The following TDP1 variants were observed in gnomAD, a reference collection of about 807,000 sequenced individuals.
TDP1 encodes tyrosyl-DNA phosphodiesterase 1, also known as tyr-DNA phosphodiesterase 1.
A neutral mutation model predicts 81.5 loss-of-function variants in TDP1; 64 were observed. The observed-to-expected ratio is 0.79, with a 90% CI of 0.64 to 0.97. The LOEUF is 0.97. Among genes scored for constraint, TDP1 ranks in the 50% least tolerant of loss-of-function variants. TDP1 has a pLI of 0.00. For synonymous variants in TDP1, 256 were observed against 264.3 expected (o/e 0.97, Z 0.30); for missense variants, 723 against 743.8 (o/e 0.97, Z 0.33).
chr14:90,029,411 C>T (rs1458542016), intron 15 of TDP1, among the ~76,000 whole-genome samples: 19 of 151,586 alleles, frequency 1.3e-4, no homozygotes, highest in Non-Finnish European at 2.6e-4. Context: ...GTTGGCCAGG[C>T]TGGTCTCGAA....
intron 2 of TDP1, among the ~76,000 whole-genome samples, chr14:89,957,358 TTGAA>T (rs1458105283): frequency 6.6e-6 from 1 of 152,210 alleles, no homozygotes; most frequent in African/African-American, 2.4e-5. Context: ...CAGTAAGTTA[TTGAA>T]TGAATGAACT....
intron 16 of TDP1, among the ~76,000 whole-genome samples, chr14:90,036,541 C>G (rs1458058959): frequency 6.6e-6 from 1 of 152,120 alleles, no homozygotes; most frequent in African/African-American, 2.4e-5. Context: ...TATCTTGAAA[C>G]CAAGAAAATG....
intron 3 of TDP1, 106 bp from the exon 4 acceptor site, chr14:89,966,041 C>G: frequency 1.0e-6 from 1 of 1,000,586 alleles, no homozygotes; most frequent in South Asian, 1.3e-5. Context: ...TTACTGTGTT[C>G]TGAGTCAGAT....
At chr14:89,966,276 T>G in intron 4 of TDP1, 86 bp downstream of exon 4, 2 of 905,750 alleles carry the variant, frequency 2.2e-6, no homozygotes, top group East Asian at 4.8e-5. Context: ...AGAGGCATAG[T>G]TTGGGGATCT....
chr14:90,037,459 T>G (rs745773679), intron 16 of TDP1, among the ~76,000 whole-genome samples: 14 of 152,228 alleles, frequency 9.2e-5, no homozygotes, highest in Non-Finnish European at 1.6e-4. Flanking sequence ...GGAGGTTGTT[T>G]CATTTTTATT....
At chr14:90,039,650 G>A (rs1433789233) in intron 16 of TDP1, among the ~76,000 whole-genome samples, 9 of 150,502 alleles carry the variant, frequency 6.0e-5, no homozygotes, top group South Asian at 2.1e-4. Flanking sequence ...GATTTTGTAC[G>A]TCACTTGGAT....
chr14:89,966,278 T>C (rs1445362633), intron 4 of TDP1, 88 bp downstream of exon 4: 2 of 902,194 alleles, frequency 2.2e-6, no homozygotes, highest in African/African-American at 1.6e-5. Flanking sequence ...AGGCATAGTT[T>C]GGGGATCTCA....
At chr14:90,020,970 A>G (rs1886021077) in intron 15 of TDP1, among the ~76,000 whole-genome samples, 1 of 151,384 alleles carries the variant, frequency 6.6e-6, no homozygotes, top group Admixed American at 6.6e-5. Context: ...TAATTTTTGT[A>G]TTTTTAGTAG....
intron 14 of TDP1, among the ~76,000 whole-genome samples, chr14:90,001,291 CTT>C (rs1387460022): frequency 6.6e-6 from 1 of 152,114 alleles, no homozygotes; most frequent in African/African-American, 2.4e-5. Context: ...CATTTCCTCT[CTT>C]TCATTATGTG....
intron 7 of TDP1, 131 bp downstream of exon 7, chr14:89,975,946 G>T: frequency 1.3e-6 from 1 of 777,586 alleles, no homozygotes; most frequent in Non-Finnish European, 2.3e-6. Flanking sequence ...ACTGAGCCTG[G>T]GGGAGCTATT....
At position 89,966,127 on chromosome 14, in the gene TDP1, T is replaced by TA; in HGVS notation, c.560-19dup. ...AGGATTTTTGTGAGTGTGAATTTGA[T>TA]ATATGTTTTGTCTTCTCAGATATTT... On this transcript the variant is annotated intron_variant, in intron 3 of 16. Coordinates refer to ENST00000335725, the MANE Select transcript of TDP1 (RefSeq NM_018319.4). The TA allele has an allele frequency of 1.3e-6, 2 of 1,549,834 alleles. No individual in the cohort carries two copies. Among genetic ancestry groups the TA allele is most frequent in the Non-Finnish European group, 1.8e-6 (2 of 1,121,802 alleles).
intron 16 of TDP1, among the ~76,000 whole-genome samples, chr14:90,036,921 C>T (rs1465926564): frequency 6.6e-6 from 1 of 151,892 alleles, no homozygotes; most frequent in Non-Finnish European, 1.5e-5. Context: ...GTGATACTCC[C>T]ACCTCAGCCT....
intron 10 of TDP1, among the ~76,000 whole-genome samples, chr14:89,988,305 G>C (rs1340998818): frequency 6.6e-6 from 1 of 152,154 alleles, no homozygotes; most frequent in Non-Finnish European, 1.5e-5. Context: ...TTGCTGATCA[G>C]CTCAACCTTT....
At chr14:89,976,272 AT>A (rs1894304513) in intron 7 of TDP1, among the ~76,000 whole-genome samples, 1 of 151,758 alleles carries the variant, frequency 6.6e-6, no homozygotes, top group South Asian at 2.1e-4. Flanking sequence ...TGCCTGGCTA[AT>A]TTTTTTGTAG....
chr14:90,012,484 G>A (rs116479487), intron 14 of TDP1, among the ~76,000 whole-genome samples: 5,876 of 150,974 alleles, frequency 0.039, 372 homozygotes, highest in African/African-American at 0.13. Context: ...TGAGGGCCTC[G>A]TCCCTGGAGC....
intron 14 of TDP1, among the ~76,000 whole-genome samples, chr14:89,996,225 G>A (rs1368309433): frequency 6.6e-6 from 1 of 152,060 alleles, no homozygotes; most frequent in African/African-American, 2.4e-5. Flanking sequence ...ATTGTTCCAT[G>A]TTCAGAATTC....
At chr14:89,977,712 T>A (rs1027443620) in intron 7 of TDP1, among the ~76,000 whole-genome samples, 2 of 152,216 alleles carry the variant, frequency 1.3e-5, no homozygotes, top group Admixed American at 6.5e-5. Context: ...AAGACAAACA[T>A]GTGAATTAGA....
intron 14 of TDP1, among the ~76,000 whole-genome samples, chr14:90,016,831 G>A (rs147238538): frequency 0.021 from 3,147 of 152,204 alleles, 40 homozygotes; most frequent in Non-Finnish European, 0.031. Context: ...CTTTAGTAAG[G>A]GTTTGGGTAG....
chr14:89,980,362 A>G, intron 7 of TDP1, 178 bp from the exon 8 acceptor site: 1 of 958,024 alleles, frequency 1.0e-6, no homozygotes, highest in Non-Finnish European at 1.2e-6. Flanking sequence ...TTTTCATCCT[A>G]TCACTTAGGC....
Sources: allele counts gnomAD v4.1 joint callset (sites outside exome capture counted in the v4.1 genomes callset), GRCh38; gene constraint gnomAD v4.1.1; transcripts MANE v1.5; gene names NCBI Gene and HGNC (gene_info 2026-07-23, HGNC 2026-07-21).